DISP1: variants seen among roughly 807,000 people sequenced by gnomAD.
DISP1 encodes the protein dispatched RND transporter family member 1, also known as protein dispatched homolog 1.
In DISP1, 30 loss-of-function variants were observed where a neutral mutation model predicts 37.3. The observed-to-expected ratio is 0.80, with a 90% CI of 0.60 to 1.09. The LOEUF (loss-of-function observed/expected upper bound fraction) is 1.09, where lower values mean the gene tolerates loss of function less well. Among genes scored for constraint, DISP1 ranks in the 50% least tolerant of loss-of-function variants. DISP1 has a pLI of 0.00. For synonymous variants in DISP1, 634 were observed against 690.2 expected, an observed-to-expected ratio of 0.92 and a Z score of 1.28; for missense variants, 1,598 against 1,879.5, an observed-to-expected ratio of 0.85 and a Z score of 2.77.
At chr1:222,837,715 C>T (rs373722656) in intron 1 of DISP1, among the ~76,000 whole-genome samples, 2 of 151,454 alleles carry the variant, frequency 1.3e-5, no homozygotes, top group African/African-American at 4.9e-5. Flanking sequence ...TAATGTCATT[C>T]GTAATAGTAA....
chr1:222,858,723 TTA>T (rs200229495), intron 1 of DISP1, among the ~76,000 whole-genome samples: 3 of 151,880 alleles, frequency 2.0e-5, no homozygotes, highest in African/African-American at 7.3e-5. Flanking sequence ...AACAAACTTT[TTA>T]AAAAAAAGCT....
intron 1 of DISP1, among the ~76,000 whole-genome samples, chr1:222,903,380 G>A (rs35551242): frequency 0.15 from 21,918 of 150,474 alleles, 1,754 homozygotes; most frequent in South Asian, 0.17. Context: ...GTACACCAAC[G>A]TGGCATATGT....
intron 1 of DISP1, among the ~76,000 whole-genome samples, chr1:222,855,184 T>C (rs1212775378): frequency 6.6e-6 from 1 of 152,212 alleles, no homozygotes; most frequent in African/African-American, 2.4e-5. Flanking sequence ...TCATGTATGA[T>C]GAGGAGCCAC....
rs573358252 is a variant in DISP1, at chr1:222,897,068, G to A, written c.-158-31362G>A. Reference sequence around the variant, plus strand: ...ATGAGTGTCCATGTGAATCTTATTCGTAATAGCCCCAAACTGAAAACAATC... The same window carrying A: ...ATGAGTGTCCATGTGAATCTTATTCATAATAGCCCCAAACTGAAAACAATC... On this transcript the variant is annotated intron_variant, in intron 1 of 8. Transcript: ENST00000675850. Among the ~76,000 whole-genome samples, 42 of 152,260 alleles carry A rather than the reference G, an allele frequency of 2.8e-4. No individual in the cohort carries two copies. The South Asian group carries it at 8.1e-3, about 29-fold the overall frequency.
chr1:222,946,528 C>T (rs755240837), intron 3 of DISP1, among the ~76,000 whole-genome samples: 1 of 151,992 alleles, frequency 6.6e-6, no homozygotes, highest in Non-Finnish European at 1.5e-5. Context: ...GATTACTTTG[C>T]TATTTTCTAC....
chr1:222,850,313 AT>A (rs140693540), intron 1 of DISP1, among the ~76,000 whole-genome samples: 2 of 150,976 alleles, frequency 1.3e-5, no homozygotes, highest in African/African-American at 4.9e-5. Context: ...TAACCATTCC[AT>A]TTTTTTTGTT....
intron 7 of DISP1, among the ~76,000 whole-genome samples, chr1:222,993,844 T>C (rs1026419670): frequency 2.6e-5 from 4 of 152,210 alleles, no homozygotes; most frequent in Admixed American, 2.0e-4. Flanking sequence ...ACCAGCTCTA[T>C]GTAAATGAAA....
At chr1:222,994,331 ATCTGATTT>A (rs1339485038) in intron 7 of DISP1, among the ~76,000 whole-genome samples, 2 of 152,166 alleles carry the variant, frequency 1.3e-5, no homozygotes, top group Non-Finnish European at 2.9e-5. Context: ...TTTTTTGTTA[ATCTGATTT>A]TCAAAATATT....
At chr1:222,873,706 G>A (rs1317020552) in intron 1 of DISP1, among the ~76,000 whole-genome samples, 1 of 152,186 alleles carries the variant, frequency 6.6e-6, no homozygotes, top group East Asian at 1.9e-4. Flanking sequence ...ACAGCACACT[G>A]ATGGGTCTTG....
rs369527311 is a variant in DISP1, at chr1:222,887,486, G to T, written c.-158-40944G>T. On this transcript the variant is annotated intron_variant, in intron 1 of 8. Transcript: ENST00000675850. ...AATTTATAAATGTCACATTGTTTTT[G>T]TTTTTTTTTTTTTTTTTTTTTTTGA... 1.4e-3 allele frequency among the ~76,000 whole-genome samples: 116 copies of T among 83,028 alleles called. 1 individual carries two copies. Among genetic ancestry groups the T allele is most frequent in the South Asian group, 4.1e-3 (9 of 2,184 alleles). The allele number at this position is 83,028 out of a possible 152,430, so 54.5% of individuals were successfully genotyped here.
chr1:222,992,864 A>ATTTTTTTTTTTTTTTT (rs71178523), intron 7 of DISP1, among the ~76,000 whole-genome samples: 11 of 118,612 alleles, frequency 9.3e-5, no homozygotes, highest in African/African-American at 1.2e-4. Flanking sequence ...AAAACCCAGA[A>ATTTTTTTTTTTTTTTT]TTTTTTTTTT....
chr1:222,885,376 C>T (rs1396455789), intron 1 of DISP1, among the ~76,000 whole-genome samples: 4 of 151,894 alleles, frequency 2.6e-5, no homozygotes, highest in Non-Finnish European at 5.9e-5. Flanking sequence ...TTTTTGAGCA[C>T]TTCCATACTT....
chr1:222,929,780 A>G (rs1162025670), intron 2 of DISP1, among the ~76,000 whole-genome samples: 1 of 152,144 alleles, frequency 6.6e-6, no homozygotes, highest in African/African-American at 2.4e-5. Flanking sequence ...TTAGTCTTGC[A>G]TCTCCAATAG....
chr1:222,819,550 T>TTTG (rs1484193681), intron 1 of DISP1, among the ~76,000 whole-genome samples: 1 of 150,772 alleles, frequency 6.6e-6, no homozygotes, highest in Non-Finnish European at 1.5e-5. Flanking sequence ...TTTTTTTTTT[T>TTTG]TTTTTTTGAC....
At chr1:222,886,744 G>A (rs1047739497) in intron 1 of DISP1, among the ~76,000 whole-genome samples, 1 of 152,222 alleles carries the variant, frequency 6.6e-6, no homozygotes, top group South Asian at 2.1e-4. Flanking sequence ...CTTACATAGG[G>A]CCAATGAGTT....
intron 1 of DISP1, among the ~76,000 whole-genome samples, chr1:222,909,657 T>C (rs996767305): frequency 3.9e-5 from 6 of 152,132 alleles, no homozygotes; most frequent in Non-Finnish European, 2.9e-5. Context: ...CAAAAGGATA[T>C]AAAAGATAAA....
rs770456061 is a variant in DISP1 at position 222,992,099 on chromosome 1, G to A, written c.878G>A (p.Cys293Tyr). The A allele has an allele frequency of 1.2e-6, 2 of 1,613,292 alleles. No homozygotes were observed. Reference protein sequence around the residue: ...DWNFHKDSFFCDVPSDRYSRV... With the variant: ...DWNFHKDSFFYDVPSDRYSRV... ...AACTTCCACAAGGACAGCTTTTTCT[G>A]CGACGTTCCAAGTGAGTGACATTGT... The change falls in exon 7 of 9, where the codon TGC becomes TAC. Residue 293 changes from cysteine (C) to tyrosine (Y), a missense_variant. By Grantham distance (194) the Cys-to-Tyr change is radical (BLOSUM62 -2). Coordinates refer to ENST00000675850, the MANE Select transcript of DISP1 (RefSeq NM_001377229.1).
chr1:222,858,587 A>G (rs1558296651), intron 1 of DISP1, among the ~76,000 whole-genome samples: 1 of 152,226 alleles, frequency 6.6e-6, no homozygotes, highest in East Asian at 1.9e-4. Context: ...TCCATCTGAT[A>G]AAGGTCTAAT....
At chr1:222,980,225 G>A (rs894964681) in intron 3 of DISP1, among the ~76,000 whole-genome samples, 1 of 152,198 alleles carries the variant, frequency 6.6e-6, no homozygotes, top group African/African-American at 2.4e-5. Context: ...AGGAATGTAT[G>A]TAGAACTTCA....
Sources: gnomAD v4.1 joint callset for allele counts (sites outside exome capture counted in the v4.1 genomes callset) on GRCh38, gnomAD v4.1.1 for gene constraint, MANE v1.5 for transcripts, NCBI Gene and HGNC (gene_info 2026-07-23, HGNC 2026-07-21) for gene names.